The following PTPRQ variants were observed in gnomAD, a reference collection of about 807,000 sequenced individuals.
The protein encoded by PTPRQ is protein tyrosine phosphatase receptor type Q.
A neutral mutation model predicts 246.0 loss-of-function variants in PTPRQ; 199 were observed. The observed-to-expected ratio is 0.81, with a 90% CI of 0.72 to 0.91. PTPRQ has a LOEUF of 0.91. Among genes scored for constraint, PTPRQ ranks in the 40% least tolerant of loss-of-function variants. The pLI is 0.00. For synonymous variants in PTPRQ, 869 were observed against 853.2 expected (o/e 1.02, Z -0.32); for missense variants, 2,624 against 2,528.4 (o/e 1.04, Z -0.81).
chr12:80,536,777 T>C (rs1896000284), intron 19 of PTPRQ, among the ~76,000 whole-genome samples: 1 of 152,208 alleles, frequency 6.6e-6, no homozygotes, highest in Non-Finnish European at 1.5e-5. Context: ...TTGTTTACAA[T>C]TGTAACAATA....
At chr12:80,455,304 C>G (rs1185023283) in intron 3 of PTPRQ, among the ~76,000 whole-genome samples, 2 of 152,126 alleles carry the variant, frequency 1.3e-5, no homozygotes, top group African/African-American at 2.4e-5. Context: ...TTTAAAAAAA[C>G]TTTAGCTTAG....
At chr12:80,573,483 C>T (rs1350168818) in intron 25 of PTPRQ, among the ~76,000 whole-genome samples, 3 of 150,850 alleles carry the variant, frequency 2.0e-5, no homozygotes, top group African/African-American at 7.3e-5. Context: ...AGTGAGACTC[C>T]GTCTTAAAAA....
rs562015081 is a variant in PTPRQ, at chr12:80,553,599, A to AT, written c.4285+3872dup. ...TCTGACCTTCCAGGGATTATTGGGT[A>AT]TTTTTTTAATGTAAACTTGGTCAAA... On this transcript the variant is annotated intron_variant, in intron 25 of 44. Coordinates refer to ENST00000644991, the MANE Select transcript of PTPRQ (RefSeq NM_001145026.2). Among the ~76,000 whole-genome samples, 27 of 152,100 alleles carry AT rather than the reference A, an allele frequency of 1.8e-4. No homozygotes were observed. The South Asian group carries it at 2.1e-3, about 12-fold the overall frequency.
intron 16 of PTPRQ, among the ~76,000 whole-genome samples, chr12:80,509,704 C>G (rs1377934456): frequency 6.6e-6 from 1 of 152,056 alleles, no homozygotes; most frequent in Non-Finnish European, 1.5e-5. Flanking sequence ...ACTATTACAG[C>G]AGAGTTACAA....
intron 43 of PTPRQ, among the ~76,000 whole-genome samples, chr12:80,677,352 A>G (rs1342640615): frequency 6.6e-6 from 1 of 152,222 alleles, no homozygotes; most frequent in Non-Finnish European, 1.5e-5. Flanking sequence ...TTATTGCTTT[A>G]TAACAACACT....
intron 43 of PTPRQ, among the ~76,000 whole-genome samples, chr12:80,676,626 A>G (rs900082260): frequency 2.0e-5 from 3 of 152,152 alleles, no homozygotes; most frequent in African/African-American, 7.2e-5. Context: ...TGGGCGACAG[A>G]GCGAGACTCT....
At chr12:80,647,413 A>G (rs1312074987) in intron 35 of PTPRQ, among the ~76,000 whole-genome samples, 1 of 152,126 alleles carries the variant, frequency 6.6e-6, no homozygotes, top group African/African-American at 2.4e-5. Context: ...ATTCTTTCCT[A>G]TTTCTGAAGA....
At chr12:80,518,517 G>T (rs932052065) in intron 17 of PTPRQ, among the ~76,000 whole-genome samples, 4 of 151,954 alleles carry the variant, frequency 2.6e-5, no homozygotes, top group Admixed American at 6.6e-5. Context: ...TTTTTGCTTT[G>T]GTTGCCTATG....
chr12:80,612,940 G>A (rs1160760249), intron 28 of PTPRQ, among the ~76,000 whole-genome samples: 1 of 150,550 alleles, frequency 6.6e-6, no homozygotes, highest in Non-Finnish European at 1.5e-5. Flanking sequence ...AAACTATACA[G>A]AGGAAGAGTT....
At chr12:80,483,896 C>T (rs1040815376) in intron 8 of PTPRQ, among the ~76,000 whole-genome samples, 3 of 152,054 alleles carry the variant, frequency 2.0e-5, no homozygotes, top group African/African-American at 4.8e-5. Flanking sequence ...TATCCATGTC[C>T]CTGCAAAGGA....
chr12:80,586,554 C>A (rs1897625578), intron 25 of PTPRQ: 1 of 151,922 alleles, frequency 6.6e-6, no homozygotes, highest in Non-Finnish European at 1.5e-5. Flanking sequence ...GGGTATATAC[C>A]CAAAGGACTA....
chr12:80,537,954 A>G (rs1896037401), intron 19 of PTPRQ, among the ~76,000 whole-genome samples: 1 of 151,924 alleles, frequency 6.6e-6, no homozygotes, highest in Non-Finnish European at 1.5e-5. Flanking sequence ...CTAAAAATAC[A>G]AAAAATTAGC....
chr12:80,466,488 C>G (rs1340812500), intron 6 of PTPRQ, among the ~76,000 whole-genome samples: 1 of 152,124 alleles, frequency 6.6e-6, no homozygotes, highest in Non-Finnish European at 1.5e-5. Flanking sequence ...ACTTTCTTCA[C>G]AGAATTGGAA....
chr12:80,617,602 A>T (rs964017812), intron 30 of PTPRQ, among the ~76,000 whole-genome samples: 1 of 151,340 alleles, frequency 6.6e-6, no homozygotes, highest in Admixed American at 6.6e-5. Context: ...CCCATTTCAG[A>T]TGCTATTCCC....
intron 39 of PTPRQ, among the ~76,000 whole-genome samples, chr12:80,666,821 G>C (rs940615114): frequency 6.7e-6 from 1 of 149,136 alleles, no homozygotes; most frequent in Non-Finnish European, 1.5e-5. Flanking sequence ...AAATTCAGTT[G>C]GTTTTGCCTT....
intron 19 of PTPRQ, among the ~76,000 whole-genome samples, chr12:80,538,100 C>T (rs557864292): frequency 1.3e-5 from 2 of 151,888 alleles, no homozygotes; most frequent in East Asian, 3.9e-4. Flanking sequence ...CAGAGTGAGA[C>T]TCTGTTTTAA....
intron 35 of PTPRQ, among the ~76,000 whole-genome samples, chr12:80,635,857 G>A (rs1899627855): frequency 6.6e-6 from 1 of 152,096 alleles, no homozygotes; most frequent in Non-Finnish European, 1.5e-5. Context: ...GCACAAAGTA[G>A]TTGTTACCAA....
intron 25 of PTPRQ, among the ~76,000 whole-genome samples, chr12:80,577,349 G>A (rs892442743): frequency 6.6e-5 from 10 of 151,922 alleles, no homozygotes; most frequent in African/African-American, 2.4e-4. Flanking sequence ...AAAAGTATGA[G>A]TGCCCATTGA....
Position 80,613,714 on chromosome 12 carries a change from G to T in PTPRQ, c.5041G>T (p.Val1681Phe), listed in dbSNP as rs376172161. The T allele has an allele frequency of 1.3e-6, 2 of 1,545,852 alleles. No individual in the cohort carries two copies. The highest frequency in any genetic ancestry group is 2.0e-5 in the Admixed American group (1 of 50,638). ...AAATATCCAAGTATATCAAGCTCTGGTTTACCGAGAAGATGATCCTACTGC... is the reference window on the plus strand; with the variant it reads ...AAATATCCAAGTATATCAAGCTCTGTTTTACCGAGAAGATGATCCTACTGC... ...NGNIQVYQAL[V>F]YREDDPTAVQ... is the part of the protein sequence containing the mutation. Residue 1681 changes from valine to phenylalanine, a missense_variant, in exon 29 of 45, where the codon GTT becomes TTT. Transcript: ENST00000644991.
Sources: allele counts gnomAD v4.1 joint callset (sites outside exome capture counted in the v4.1 genomes callset), GRCh38; gene constraint gnomAD v4.1.1; transcripts MANE v1.5; gene names NCBI Gene and HGNC (gene_info 2026-07-23, HGNC 2026-07-21).